The following PROSER3 variants were observed in gnomAD, a reference collection of about 807,000 sequenced individuals.
PROSER3 encodes the protein proline and serine rich 3.
In PROSER3, 33 loss-of-function variants were observed where a neutral mutation model predicts 50.2. That is an observed-to-expected ratio of 0.66 (90% CI 0.50 to 0.88). The LOEUF (loss-of-function observed/expected upper bound fraction) is 0.88, where lower values mean the gene tolerates loss of function less well. Ranked by LOEUF, PROSER3 falls within the 40% of genes least tolerant of loss-of-function variation. PROSER3 has a pLI of 0.00. For missense variants in PROSER3, 623 were observed against 612.7 expected, an observed-to-expected ratio of 1.02 and a Z score of -0.18; for synonymous variants, 266 against 259.3, an observed-to-expected ratio of 1.03 and a Z score of -0.25.
chr19:35,768,022 GGCCCTGCTTGCCCAGGCC>G lies in PROSER3; in HGVS notation c.1185_1202del (p.Ala396_Leu401del), dbSNP rs781793184. ...CCGCTGCTGACCACGCCCCCTCGGA[GGCCCTGCTTGCCCAGGCC>G]GCCCTGCTGCTGCAGGCTGCAGAAG... is the stretch of plus-strand genomic sequence containing the variant. On this transcript the variant is annotated inframe_deletion, in exon 9 of 11. Coordinates refer to ENST00000396908, the Ensembl canonical transcript of PROSER3. 10 of 1,584,102 alleles carry G rather than the reference GGCCCTGCTTGCCCAGGCC, an allele frequency of 6.3e-6. No individual in the cohort carries two copies. The South Asian group carries it at 1.1e-4, about 18-fold the overall frequency.
intron 1 of PROSER3, chr19:35,758,605 C>T (rs574870895): frequency 2.8e-4 from 71 of 257,422 alleles, no homozygotes; most frequent in African/African-American, 1.3e-3. Flanking sequence ...CTACCCTTTG[C>T]CTTCGTGTCC....
At chr19:35,759,352 G>A (rs776401128) in intron 1 of PROSER3, 22 bp from the exon 2 acceptor site, 101 of 1,607,588 alleles carry the variant, frequency 6.3e-5, no homozygotes, top group Non-Finnish European at 8.5e-5. Context: ...CGTGCTGCCT[G>A]AACCCCACTT....
chr19:35,767,146 G>T, intron 8 of PROSER3: 1 of 678,838 alleles, frequency 1.5e-6, no homozygotes, highest in East Asian at 3.0e-5. Flanking sequence ...GGAGCAGTGT[G>T]GCCCAGCCTG....
intron 7 of PROSER3, among the ~76,000 whole-genome samples, chr19:35,765,704 T>C (rs1971119551): frequency 6.6e-6 from 1 of 152,146 alleles, no homozygotes; most frequent in Non-Finnish European, 1.5e-5. Flanking sequence ...ATTGTTTTTA[T>C]TTTTTTATTT....
intron 3 of PROSER3, among the ~76,000 whole-genome samples, chr19:35,760,280 C>T (rs1970914008): frequency 1.3e-5 from 2 of 152,070 alleles, no homozygotes; most frequent in Non-Finnish European, 2.9e-5. Flanking sequence ...GTCAGTGGTA[C>T]AATCACAGCT....
downstream of PROSER3, chr19:35,769,667 T>C (rs1971284929): frequency 6.6e-6 from 1 of 152,210 alleles, no homozygotes; most frequent in Admixed American, 6.5e-5. Flanking sequence ...CTTAGAGTTG[T>C]CTTTGACTTC....
intron 5 of PROSER3, 102 bp from the exon 6 acceptor site, chr19:35,764,752 G>T: frequency 9.5e-7 from 1 of 1,050,004 alleles, no homozygotes; most frequent in Non-Finnish European, 1.4e-6. Context: ...GGCATGTGAG[G>T]TTACCAAGGG....
intron 1 of PROSER3, 113 bp downstream of exon 1, chr19:35,758,339 A>C: frequency 3.7e-6 from 5 of 1,335,590 alleles, no homozygotes; most frequent in Non-Finnish European, 5.0e-6. Context: ...GCTCCACCGC[A>C]CTGGAACTAC....
chr19:35,765,195 A>G lies in PROSER3; in HGVS notation c.769+19A>G, dbSNP rs2146607356. The G allele has an allele frequency of 6.2e-7, 1 of 1,610,396 alleles. No homozygotes were observed. Among genetic ancestry groups the G allele is most frequent in the Non-Finnish European group, 8.5e-7 (1 of 1,179,052 alleles). ...GCACCCGGTAAGGGCTGAGAGGCAA[A>G]GACTGAGGGCAGCCTGGGTGCAAAT... On this transcript the variant is annotated intron_variant, in intron 7 of 10. Coordinates refer to ENST00000396908, the Ensembl canonical transcript of PROSER3.
At chr19:35,765,204 G>T (rs751240968) in intron 7 of PROSER3, 28 bp downstream of exon 7, 9 of 1,606,758 alleles carry the variant, frequency 5.6e-6, no homozygotes, top group South Asian at 1.1e-5. Context: ...AAGACTGAGG[G>T]CAGCCTGGGT....
chr19:35,762,285 AC>A lies in PROSER3; in HGVS notation c.473del (p.Thr158LysfsTer9), dbSNP rs1475492335. The A allele has an allele frequency of 6.2e-7, 1 of 1,612,342 alleles. No homozygotes were observed. The highest frequency in any genetic ancestry group is 2.2e-5 in the East Asian group (1 of 44,832). ...CAACAAACCAGAAGGAAGACCCCAT[AC>A]AGCTGTCCCTACTGCGGTCAACGTG... On this transcript the variant is annotated frameshift_variant, in exon 5 of 11. Transcript: ENST00000396908. LOFTEE classifies it high-confidence loss of function.
intron 7 of PROSER3, among the ~76,000 whole-genome samples, chr19:35,766,023 C>T (rs370938052): frequency 1.5e-4 from 23 of 152,206 alleles, no homozygotes; most frequent in East Asian, 5.8e-4. Context: ...TTCTTAAGTA[C>T]GAGAGGCCTG....
chr19:35,762,312 A>G, exon 5 of PROSER3: 1 of 1,610,970 alleles, frequency 6.2e-7, no homozygotes, highest in Non-Finnish European at 8.5e-7. Context: ...GGTCAACGTG[A>G]CCAGTGCATC....
In PROSER3 at chr19:35,767,610, A is replaced by G. The variant is rs1023806511; in HGVS notation, c.958-194A>G. On this transcript the variant is annotated intron_variant, in intron 8 of 10. Transcript: ENST00000396908. ...GCCGAGCAAGTCCCTGCAGCTGGCC[A>G]GGGACCTGGCCCTCAGCTCAGGGGT... The G allele has an allele frequency of 1.5e-4, 101 of 655,768 alleles. No homozygotes were observed. The East Asian group carries it at 2.8e-3, about 18-fold the overall frequency. The allele number at this position is 655,768 out of a possible 1,614,324, so 40.6% of individuals were successfully genotyped here.
chr19:35,761,068 C>G (rs545882692), intron 3 of PROSER3, among the ~76,000 whole-genome samples: 2 of 152,172 alleles, frequency 1.3e-5, no homozygotes, highest in Non-Finnish European at 2.9e-5. Context: ...TGTTGCTGTC[C>G]GAACTCTAGG....
exon 10 of PROSER3, chr19:35,768,187 G>A (rs201580171): frequency 5.6e-6 from 9 of 1,613,544 alleles, no homozygotes; most frequent in Admixed American, 3.3e-5. Context: ...GGACGATCCC[G>A]TGCTGCAGGT....
chr19:35,759,141 C>T, intron 1 of PROSER3: 1 of 509,202 alleles, frequency 2.0e-6, no homozygotes, highest in Non-Finnish European at 3.5e-6. Context: ...GGTTGAGAAC[C>T]ACCGGCTGTC....
intron 1 of PROSER3, 50 bp downstream of exon 1, chr19:35,758,276 C>A (rs771870086): frequency 7.7e-6 from 12 of 1,550,178 alleles, no homozygotes; most frequent in Non-Finnish European, 9.6e-6. Context: ...GGAGGACCAA[C>A]GGCGAGAGCA....
At chr19:35,770,173 G>T (rs750098794), downstream of PROSER3, among the ~76,000 whole-genome samples, 6 of 152,128 alleles carry the variant, frequency 3.9e-5, no homozygotes, top group Non-Finnish European at 5.9e-5. Context: ...AAAGCGCTGG[G>T]ATTACAGGCA....
Sources: allele counts gnomAD v4.1 joint callset (sites outside exome capture counted in the v4.1 genomes callset), GRCh38; gene constraint gnomAD v4.1.1; transcripts MANE v1.5; gene names NCBI Gene and HGNC (gene_info 2026-07-23, HGNC 2026-07-21).